CDH13: variants seen among roughly 807,000 people sequenced by gnomAD.
CDH13 encodes the protein cadherin 13.
In CDH13, 24 loss-of-function variants were observed where a neutral mutation model predicts 63.8. The observed-to-expected ratio is 0.38, with a 90% confidence interval of 0.27 to 0.53. CDH13 has a LOEUF of 0.53. Among genes scored for constraint, CDH13 ranks in the 20% least tolerant of loss-of-function variants. The pLI is 0.85. For missense variants in CDH13, 1,049 were observed against 903.1 expected, an observed-to-expected ratio of 1.16 and a Z score of -2.07; for synonymous variants, 503 against 355.3, an observed-to-expected ratio of 1.42 and a Z score of -4.67.
chr16:82,775,170 C>G (rs779745229), intron 1 of CDH13, among the ~76,000 whole-genome samples: 3 of 152,146 alleles, frequency 2.0e-5, no homozygotes, highest in Non-Finnish European at 4.4e-5. Context: ...GCTGTACCTA[C>G]TGCATATAGT....
chr16:83,734,656 A>G (rs1056867574), intron 10 of CDH13, among the ~76,000 whole-genome samples: 1 of 151,414 alleles, frequency 6.6e-6, no homozygotes, highest in African/African-American at 2.4e-5. Context: ...TGGGTGCAGC[A>G]CACCAGCATG....
intron 7 of CDH13, among the ~76,000 whole-genome samples, chr16:83,518,592 C>G (rs2074755480): frequency 6.6e-6 from 1 of 151,720 alleles, no homozygotes; most frequent in Non-Finnish European, 1.5e-5. Context: ...CCTGCCTCAG[C>G]CTTCCGAGTA....
chr16:83,429,322 G>C (rs1187947118), intron 6 of CDH13, among the ~76,000 whole-genome samples: 1 of 152,110 alleles, frequency 6.6e-6, no homozygotes, highest in African/African-American at 2.4e-5. Context: ...TTCCTCATGA[G>C]GTACAGGGGA....
chr16:82,807,116 C>G (rs1000349445), intron 1 of CDH13, among the ~76,000 whole-genome samples: 1 of 138,160 alleles, frequency 7.2e-6, no homozygotes, highest in African/African-American at 2.7e-5. Context: ...TAAGAAAAAA[C>G]TTAAATTGCT....
intron 6 of CDH13, among the ~76,000 whole-genome samples, chr16:83,403,138 A>G (rs1357969948): frequency 1.3e-5 from 2 of 152,152 alleles, no homozygotes; most frequent in Non-Finnish European, 2.9e-5. Context: ...TGTTATAATG[A>G]AATAATACGT....
intron 5 of CDH13, among the ~76,000 whole-genome samples, chr16:83,230,148 G>A (rs1476485574): frequency 3.9e-5 from 6 of 152,150 alleles, no homozygotes; most frequent in South Asian, 2.1e-4. Flanking sequence ...ACAATTAGTC[G>A]TGAATGCATT....
chr16:82,862,559 C>CTT (rs11384016), intron 2 of CDH13, among the ~76,000 whole-genome samples: 5 of 151,856 alleles, frequency 3.3e-5, no homozygotes, highest in African/African-American at 4.8e-5. Flanking sequence ...TAGAACTGTA[C>CTT]TTTTTTTTCT....
chr16:82,775,129 C>T (rs74617910), intron 1 of CDH13, among the ~76,000 whole-genome samples: 5 of 152,120 alleles, frequency 3.3e-5, no homozygotes, highest in East Asian at 1.9e-4. Flanking sequence ...GTCTATACCT[C>T]GGCTGTCTTA....
At chr16:83,134,370 A>G (rs1048161316) in intron 4 of CDH13, among the ~76,000 whole-genome samples, 47 of 151,958 alleles carry the variant, frequency 3.1e-4, no homozygotes, top group African/African-American at 1.1e-3. Context: ...TTGTATTTTT[A>G]GGAGAGATGA....
intron 4 of CDH13, among the ~76,000 whole-genome samples, chr16:83,197,868 A>C (rs1345073898): frequency 6.6e-6 from 1 of 151,762 alleles, no homozygotes; most frequent in Non-Finnish European, 1.5e-5. Context: ...GGCAAATCTG[A>C]ATAAGATCTG....
chr16:83,364,835 C>G (rs1043908409), intron 6 of CDH13, among the ~76,000 whole-genome samples: 2 of 152,132 alleles, frequency 1.3e-5, no homozygotes, highest in Non-Finnish European at 2.9e-5. Context: ...CACATGTTCT[C>G]CCTCATAAGT....
chr16:82,629,363 G>A (rs540287990), intron 1 of CDH13, among the ~76,000 whole-genome samples: 1 of 152,328 alleles, frequency 6.6e-6, no homozygotes, highest in African/African-American at 2.4e-5. Context: ...GTCCACATTA[G>A]GATAGTAATT....
chr16:83,522,135 G>C (rs930838851), intron 7 of CDH13, among the ~76,000 whole-genome samples: 2 of 152,188 alleles, frequency 1.3e-5, no homozygotes, highest in African/African-American at 2.4e-5. Context: ...ACCGGGTGCT[G>C]TCTGTTTAGA....
intron 1 of CDH13, among the ~76,000 whole-genome samples, chr16:82,701,391 G>A (rs542508949): frequency 1.3e-5 from 2 of 152,056 alleles, no homozygotes; most frequent in Non-Finnish European, 2.9e-5. Flanking sequence ...ATTTCTGTGT[G>A]CTCCTTCTTC....
intron 5 of CDH13, among the ~76,000 whole-genome samples, chr16:83,248,169 G>A (rs1035255427): frequency 6.6e-6 from 1 of 152,130 alleles, no homozygotes; most frequent in African/African-American, 2.4e-5. Context: ...GCGCCAGAAT[G>A]TTCCCACCAG....
intron 1 of CDH13, among the ~76,000 whole-genome samples, chr16:82,844,201 C>A (rs1410629140): frequency 6.6e-6 from 1 of 152,034 alleles, no homozygotes; most frequent in Non-Finnish European, 1.5e-5. Context: ...GGAAGAGAGA[C>A]AGAGAAAAAC....
At chr16:83,529,526 C>A (rs2151630693) in intron 7 of CDH13, among the ~76,000 whole-genome samples, 1 of 151,856 alleles carries the variant, frequency 6.6e-6, no homozygotes, top group Non-Finnish European at 1.5e-5. Context: ...ATTTACTAGC[C>A]CAGAGCAATG....
intron 6 of CDH13, among the ~76,000 whole-genome samples, chr16:83,378,912 C>A (rs8060651): frequency 6.6e-6 from 1 of 151,964 alleles, no homozygotes; most frequent in African/African-American, 2.4e-5. Context: ...TGTGGTCCAC[C>A]AGAAACTTAA....
At chr16:83,784,088 G>C (rs967597928) in intron 13 of CDH13, among the ~76,000 whole-genome samples, 1 of 152,106 alleles carries the variant, frequency 6.6e-6, no homozygotes, top group African/African-American at 2.4e-5. Flanking sequence ...TGAAATACTA[G>C]TCCAATGTTA....
Sources: allele counts gnomAD v4.1 joint callset (sites outside exome capture counted in the v4.1 genomes callset), GRCh38; gene constraint gnomAD v4.1.1; transcripts MANE v1.5; gene names NCBI Gene and HGNC (gene_info 2026-07-23, HGNC 2026-07-21).